Variants in CERS6 observed in about 807,000 individuals in gnomAD.
The protein encoded by CERS6 is ceramide synthase 6.
In CERS6, 26 loss-of-function variants were observed where a neutral mutation model predicts 56.8. The observed-to-expected ratio is 0.46, with a 90% CI of 0.34 to 0.63. CERS6 has a LOEUF of 0.63. Among genes scored for constraint, CERS6 ranks in the 30% least tolerant of loss-of-function variants. The pLI is 0.01. For synonymous variants in CERS6, 164 were observed against 173.3 expected (o/e 0.95, Z 0.42); for missense variants, 415 against 467.5 (o/e 0.89, Z 1.04).
chr2:168,574,610 A>G (rs1028817393), intron 3 of CERS6, among the ~76,000 whole-genome samples: 1 of 152,214 alleles, frequency 6.6e-6, no homozygotes, highest in Non-Finnish European at 1.5e-5. Flanking sequence ...TAATATAGTG[A>G]TTAAATAAAA....
At chr2:168,520,288 C>G (rs1410556731) in intron 1 of CERS6, among the ~76,000 whole-genome samples, 1 of 151,974 alleles carries the variant, frequency 6.6e-6, no homozygotes. Flanking sequence ...GTTTTATTTT[C>G]TCGTTGATTC....
At chr2:168,706,160 T>G (rs900611228) in intron 6 of CERS6, among the ~76,000 whole-genome samples, 1 of 152,204 alleles carries the variant, frequency 6.6e-6, no homozygotes, top group Non-Finnish European at 1.5e-5. Context: ...TTGGAGAGTG[T>G]GCTTTTGATG....
chr2:168,670,006 C>T (rs186311813), intron 4 of CERS6, among the ~76,000 whole-genome samples: 2 of 152,318 alleles, frequency 1.3e-5, no homozygotes, highest in Admixed American at 1.3e-4. Flanking sequence ...CCATCGGATT[C>T]ATTTTTGTAT....
intron 4 of CERS6, among the ~76,000 whole-genome samples, chr2:168,672,478 G>A (rs1294296461): frequency 6.6e-6 from 1 of 152,190 alleles, no homozygotes; most frequent in Non-Finnish European, 1.5e-5. Context: ...AAACAAAAAA[G>A]CGTTCCAAAA....
At chr2:168,462,309 T>C (rs1693793419) in intron 1 of CERS6, among the ~76,000 whole-genome samples, 1 of 152,198 alleles carries the variant, frequency 6.6e-6, no homozygotes, top group Admixed American at 6.5e-5. Flanking sequence ...GGAACCATTT[T>C]TTCATTTCGT....
In CERS6 at chr2:168,631,033, C is replaced by T. The variant is rs146884858; in HGVS notation, c.456C>T (p.Phe152=). ...YLYVFTYGVR[F]LKKTPWLWNT... ...ATGTATTTACCTACGGAGTCAGATT[C>T]CTGAAAAAGGTAGGATCTCTCAAAC... is the stretch of plus-strand genomic sequence containing the variant. The change falls in exon 4 of 10, where the codon TTC becomes TTT. Residue 152 remains phenylalanine (F), a synonymous_variant. Transcript: ENST00000305747. The T allele has an allele frequency of 6.6e-7, 1 of 1,510,350 alleles. No individual in the cohort carries two copies. Among genetic ancestry groups the T allele is most frequent in the Non-Finnish European group, 9.0e-7 (1 of 1,105,710 alleles). 93.6% of individuals were successfully genotyped at this position (1,510,350 alleles called of 1,614,324 possible).
At position 168,733,993 on chromosome 2, in the gene CERS6, A is replaced by G. The variant is rs145667747; in HGVS notation, c.845+16015A>G. 8.5e-5 allele frequency among the ~76,000 whole-genome samples: 13 copies of G among 152,290 alleles called. No individual in the cohort carries two copies. The East Asian group carries it at 2.3e-3, about 27-fold the overall frequency. ...CAAATGAAATTACCAGTCGCTGTGA[A>G]ATTGTACATGTTCTCTTCTTCATCC... On this transcript the variant is annotated intron_variant, in intron 8 of 9. Coordinates refer to ENST00000305747, the MANE Select transcript of CERS6 (RefSeq NM_203463.3).
rs962491418 is a variant in CERS6 at position 168,772,468 on chromosome 2, C to T, written c.*2806C>T. The T allele has an allele frequency of 3.5e-4, 54 of 152,588 alleles. No individual in the cohort carries two copies. Among genetic ancestry groups the T allele is most frequent in the African/African-American group, 1.2e-3 (51 of 41,444 alleles). The allele number at this position is 152,588 out of a possible 1,614,324, so 9.5% of individuals were successfully genotyped here. A position where few individuals can be genotyped will look rare whatever the true frequency, so the allele number is the denominator to read the frequency against. ...AGTGATAAAACCAAAATATCACTGA[C>T]TCATCCCTACCCATATTCTTTTCAT... is the stretch of plus-strand genomic sequence containing the variant. On this transcript the variant is annotated 3_prime_UTR_variant, in exon 10 of 10. Transcript: ENST00000305747.
At chr2:168,696,728 C>A (rs535562726) in intron 6 of CERS6, among the ~76,000 whole-genome samples, 1 of 152,308 alleles carries the variant, frequency 6.6e-6, no homozygotes, top group East Asian at 1.9e-4. Context: ...ATGAGGCCTC[C>A]TTGTGAAAAG....
intron 1 of CERS6, among the ~76,000 whole-genome samples, chr2:168,464,093 G>A (rs976982476): frequency 5.3e-5 from 8 of 151,810 alleles, no homozygotes; most frequent in Admixed American, 1.3e-4. Context: ...TAAGAAATTG[G>A]TGGCCTTCAG....
At chr2:168,567,588 G>A (rs1186345500) in intron 3 of CERS6, among the ~76,000 whole-genome samples, 2 of 152,250 alleles carry the variant, frequency 1.3e-5, no homozygotes, top group East Asian at 3.9e-4. Context: ...TAACCCATGG[G>A]CCATACAAAA....
intron 4 of CERS6, among the ~76,000 whole-genome samples, chr2:168,635,526 C>T (rs1444654171): frequency 6.6e-6 from 1 of 152,196 alleles, no homozygotes; most frequent in Non-Finnish European, 1.5e-5. Context: ...AAGGCACCAG[C>T]TCCTTAAAGC....
At chr2:168,767,814 A>G (rs937430063) in intron 9 of CERS6, among the ~76,000 whole-genome samples, 3 of 152,174 alleles carry the variant, frequency 2.0e-5, no homozygotes, top group Admixed American at 6.5e-5. Context: ...TAATTCTGCC[A>G]TACCTCCCAG....
intron 1 of CERS6, among the ~76,000 whole-genome samples, chr2:168,541,830 T>C (rs1695377597): frequency 6.6e-6 from 1 of 152,226 alleles, no homozygotes; most frequent in Non-Finnish European, 1.5e-5. Context: ...GCTTAGTTTA[T>C]ATACAGAATT....
In CERS6 at chr2:168,695,061, G is replaced by T; in HGVS notation, c.609+10G>T. The T allele has an allele frequency of 6.2e-7, 1 of 1,606,888 alleles. No individual in the cohort carries two copies. The highest frequency in any genetic ancestry group is 1.3e-5 in the African/African-American group (1 of 74,830). ...TGATATCAAAAGAAAGGTAAGAGCG[G>T]TTATGTCGTAAAGTGCTTGCAAGCA... On this transcript the variant is annotated intron_variant, in intron 6 of 9. Transcript: ENST00000305747.
intron 8 of CERS6, among the ~76,000 whole-genome samples, chr2:168,751,213 A>G (rs1223812522): frequency 3.9e-5 from 6 of 152,238 alleles, no homozygotes; most frequent in Non-Finnish European, 7.3e-5. Context: ...ATTTACTGCA[A>G]TACTAACAAC....
At chr2:168,769,173 C>T (rs1218183370) in intron 9 of CERS6, among the ~76,000 whole-genome samples, 1 of 151,902 alleles carries the variant, frequency 6.6e-6, no homozygotes, top group Non-Finnish European at 1.5e-5. Context: ...TCCATTTGTA[C>T]CAAATTCCTA....
chr2:168,668,107 G>C (rs1685811149), intron 4 of CERS6, among the ~76,000 whole-genome samples: 1 of 152,188 alleles, frequency 6.6e-6, no homozygotes, highest in South Asian at 2.1e-4. Context: ...GGAATCAACA[G>C]ATGTTTTTCA....
At chr2:168,561,085 TA>T in intron 2 of CERS6, 106 bp from the exon 3 acceptor site, 1 of 1,210,382 alleles carries the variant, frequency 8.3e-7, no homozygotes, top group Non-Finnish European at 1.2e-6. Context: ...TAGCAGATAG[TA>T]AACAATAGGG....
Sources: allele counts gnomAD v4.1 joint callset (sites outside exome capture counted in the v4.1 genomes callset), GRCh38; gene constraint gnomAD v4.1.1; transcripts MANE v1.5; gene names NCBI Gene and HGNC (gene_info 2026-07-23, HGNC 2026-07-21).